Variants in CSE1L observed in about 807,000 individuals in gnomAD.
CSE1L encodes the protein chromosome segregation 1 like.
A neutral mutation model predicts 120.4 loss-of-function variants in CSE1L; 24 were observed. The observed-to-expected ratio is 0.20, with a 90% CI of 0.14 to 0.28. The LOEUF is 0.28. CSE1L is among the 10% of genes least tolerant of loss of function. The pLI is 1.00. For synonymous variants in CSE1L, 402 were observed against 398.3 expected (o/e 1.01, Z -0.11); for missense variants, 830 against 1,145.2 (o/e 0.72, Z 3.97).
intron 14 of CSE1L, among the ~76,000 whole-genome samples, chr20:49,080,889 C>T (rs1023748081): frequency 6.6e-6 from 1 of 152,164 alleles, no homozygotes; most frequent in Non-Finnish European, 1.5e-5. Flanking sequence ...GACCCTTTTG[C>T]CTAAGCCTCC....
At position 49,054,640 on chromosome 20, in the gene CSE1L, G is replaced by A. The variant is rs575509058; in HGVS notation, c.-11-3813G>A. 3.3e-5 allele frequency among the ~76,000 whole-genome samples: 5 copies of A among 152,180 alleles called. 1 individual carries two copies. In the South Asian group the frequency reaches 1.0e-3, roughly 32 times the overall value. On this transcript the variant is annotated intron_variant, in intron 1 of 24. Transcript: ENST00000262982. ...GAAGCCTATGAAAACATCTAGCATC[G>A]TGTGCCTGGTTCATACATGTGACAC... is the stretch of plus-strand genomic sequence containing the variant.
chr20:49,067,155 C>A (rs752955778), intron 5 of CSE1L, 35 bp from the exon 6 acceptor site: 8 of 1,338,350 alleles, frequency 6.0e-6, no homozygotes, highest in Middle Eastern at 1.9e-4. Context: ...ATAAAAAAAA[C>A]TTGTAAATTT....
chr20:49,053,329 T>C (rs1247971949), intron 1 of CSE1L, among the ~76,000 whole-genome samples: 1 of 148,870 alleles, frequency 6.7e-6, no homozygotes, highest in Admixed American at 6.7e-5. Flanking sequence ...ATGATTTAAC[T>C]TGACCACAGC....
At chr20:49,058,617 C>T in intron 2 of CSE1L, 69 bp downstream of exon 2, 2 of 1,158,820 alleles carry the variant, frequency 1.7e-6, no homozygotes, top group Non-Finnish European at 2.5e-6. Flanking sequence ...TATGTATTAT[C>T]TGCCTCCTTA....
Position 49,094,867 on chromosome 20 carries a change from G to GA in CSE1L, c.2736dup (p.Glu913ArgfsTer3). On this transcript the variant is annotated frameshift_variant, in exon 24 of 25. Transcript: ENST00000262982. LOFTEE classifies it high-confidence loss of function. ...CCTTCTCACAGTTGGCATTTGCTGGGAAAAAAGAGCATGATCCTGTAGGTC... is the reference window on the plus strand; with the variant it reads ...CCTTCTCACAGTTGGCATTTGCTGGGAAAAAAAGAGCATGATCCTGTAGGTC... 1 of 1,614,048 alleles carries GA rather than the reference G, an allele frequency of 6.2e-7. No individual in the cohort carries two copies. Among genetic ancestry groups the GA allele is most frequent in the Non-Finnish European group, 8.5e-7 (1 of 1,180,012 alleles).
intron 11 of CSE1L, 32 bp downstream of exon 11, chr20:49,074,882 C>A: frequency 6.5e-7 from 1 of 1,538,674 alleles, no homozygotes; most frequent in South Asian, 1.2e-5. Flanking sequence ...TTACTAGTCT[C>A]TTAGCAAGCC....
At chr20:49,077,153 C>CTTTTTTTTTTTTTTTTTTTTTTTT (rs11439721) in intron 13 of CSE1L, 89 bp downstream of exon 13, 9 of 380,898 alleles carry the variant, frequency 2.4e-5, no homozygotes, top group Non-Finnish European at 3.1e-5. Context: ...CCCTTTTGTT[C>CTTTTTTTTTTTTTTTTTTTTTTTT]TTTTTTTTTT....
At chr20:49,088,770 C>T (rs1293763072) in intron 17 of CSE1L, among the ~76,000 whole-genome samples, 1 of 152,020 alleles carries the variant, frequency 6.6e-6, no homozygotes, top group South Asian at 2.1e-4. Context: ...CCCAAGTCTC[C>T]GCCTCCCATA....
intron 1 of CSE1L, among the ~76,000 whole-genome samples, chr20:49,056,258 A>G (rs555933336): frequency 6.6e-6 from 1 of 152,148 alleles, no homozygotes; most frequent in Admixed American, 6.6e-5. Flanking sequence ...GGTGCATGCC[A>G]CCATGCCCGG....
chr20:49,067,994 C>T (rs993959180), intron 6 of CSE1L, among the ~76,000 whole-genome samples: 6 of 143,160 alleles, frequency 4.2e-5, no homozygotes, highest in Admixed American at 1.4e-4. Flanking sequence ...CCTCCGCCTC[C>T]CGGGTTCAAG....
rs139175965 is a variant in CSE1L at position 49,053,903 on chromosome 20, A to G, written c.-11-4550A>G. On this transcript the variant is annotated intron_variant, in intron 1 of 24. Coordinates refer to ENST00000262982, the MANE Select transcript of CSE1L (RefSeq NM_001316.4). ...TGGGGTTTTGCCATGTTGCCCAGGC[A>G]GGTCTTGAACTCCTGGGCTCAAGCG... Among the ~76,000 whole-genome samples, 1,116 of 152,170 alleles carry G rather than the reference A, an allele frequency of 7.3e-3. 15 individuals carry two copies. The highest frequency in any genetic ancestry group is 0.025 in the African/African-American group (1,053 of 41,514).
intron 1 of CSE1L, among the ~76,000 whole-genome samples, chr20:49,053,949 A>G (rs979717526): frequency 6.6e-6 from 1 of 152,192 alleles, no homozygotes; most frequent in Non-Finnish European, 1.5e-5. Context: ...TCAGCCTCCC[A>G]CCAGTGGAGA....
At chr20:49,089,855 G>C in intron 19 of CSE1L, 109 bp downstream of exon 19, 1 of 1,052,136 alleles carries the variant, frequency 9.5e-7, no homozygotes, top group Non-Finnish European at 1.4e-6. Flanking sequence ...GCTGGGGGCA[G>C]TGGCTCAAGC....
chr20:49,087,356 T>C (rs1242171083), intron 16 of CSE1L, among the ~76,000 whole-genome samples: 1 of 146,120 alleles, frequency 6.8e-6, no homozygotes, highest in Admixed American at 6.8e-5. Context: ...TTTTTCTTTT[T>C]TTTTTTTTTT....
Position 49,094,267 on chromosome 20 carries a change from A to T in CSE1L, c.2575A>T (p.Thr859Ser). The change falls in exon 23 of 25, where the codon ACT becomes TCT. Residue 859 changes from threonine (T) to serine (S), a missense_variant. This residue lies in a region of CSE1L where 112 missense variants were observed against 200.0 expected (regional missense o/e 0.56). Coordinates refer to ENST00000262982, the MANE Select transcript of CSE1L (RefSeq NM_001316.4). ...AACAGAATGTCCCCCAATGATGGAC[A>T]CTGAGTATACCAAACTGTGGTAAGT... ...LLTECPPMMD[T>S]EYTKLWTPLL... is the part of the protein sequence containing the mutation. The T allele has an allele frequency of 6.2e-7, 1 of 1,612,782 alleles. No individual in the cohort carries two copies. The highest frequency in any genetic ancestry group is 8.5e-7 in the Non-Finnish European group (1 of 1,179,652).
At chr20:49,090,898 G>A in intron 20 of CSE1L, 39 bp from the exon 21 acceptor site, 1 of 1,596,752 alleles carries the variant, frequency 6.3e-7, no homozygotes, top group Admixed American at 1.7e-5. Flanking sequence ...GCTCAGAAAA[G>A]TCCTAAATTT....
chr20:49,080,989 CT>C (rs1431440198), intron 14 of CSE1L, among the ~76,000 whole-genome samples: 96 of 62,224 alleles, frequency 1.5e-3, no homozygotes, highest in Non-Finnish European at 1.2e-3. Context: ...CTTTCTCCTT[CT>C]TTTTTTTTTT....
rs1051685772 is a variant in CSE1L at position 49,076,981 on chromosome 20, A to T, written c.1337A>T (p.His446Leu). Residue 446 changes from histidine to leucine, a missense_variant and splice_region_variant, in exon 13 of 25, where the codon CAT (histidine) becomes CTT (leucine). Physicochemically the swap from His to Leu is moderately conservative, Grantham distance 99. This residue lies in a region of CSE1L where 543 missense variants were observed against 640.2 expected (regional missense o/e 0.85). Transcript: ENST00000262982. Reference protein sequence around the residue: ...SLASKAQTQKHGITQANELVN... With the variant: ...SLASKAQTQKLGITQANELVN... ...CTATGTTATGAATTTGCTTTTCAGC[A>T]TGGAATTACACAAGCAAATGAACTT... 4 of 1,593,064 alleles carry T rather than the reference A, an allele frequency of 2.5e-6. No individual in the cohort carries two copies. The highest frequency in any genetic ancestry group is 1.4e-5 in the African/African-American group (1 of 73,862).
intron 16 of CSE1L, among the ~76,000 whole-genome samples, chr20:49,086,731 G>GT (rs2145747909): frequency 6.6e-6 from 1 of 152,218 alleles, no homozygotes; most frequent in South Asian, 2.1e-4. Context: ...TTTAGGGTAT[G>GT]TAAGAATACA....
Sources: gnomAD v4.1 joint callset for allele counts (sites outside exome capture counted in the v4.1 genomes callset) on GRCh38, gnomAD v4.1.1 for gene constraint, gnomAD v4.1.1 regional missense constraint, MANE v1.5 for transcripts, NCBI Gene and HGNC (gene_info 2026-07-23, HGNC 2026-07-21) for gene names.